The following ADAMTSL1 variants were observed in gnomAD, a reference collection of about 807,000 sequenced individuals.
The protein encoded by ADAMTSL1 is ADAMTS-like protein 1.
A neutral mutation model predicts 201.8 loss-of-function variants in ADAMTSL1; 126 were observed. The observed-to-expected ratio is 0.62, with a 90% CI of 0.54 to 0.72. The LOEUF (loss-of-function observed/expected upper bound fraction) is 0.72, where lower values mean the gene tolerates loss of function less well. ADAMTSL1 is among the 30% of genes least tolerant of loss of function. The pLI is 0.00. For missense variants in ADAMTSL1, 2,679 were observed against 2,277.8 expected (o/e 1.18, Z -3.59); for synonymous variants, 1,121 against 903.4 (o/e 1.24, Z -4.32).
At chr9:18,816,125 C>T (rs911269505) in intron 20 of ADAMTSL1, among the ~76,000 whole-genome samples, 1 of 152,218 alleles carries the variant, frequency 6.6e-6, no homozygotes, top group African/African-American at 2.4e-5. Flanking sequence ...TGACCAATCT[C>T]TCGCTATCTT....
chr9:18,542,738 A>G (rs1820225918), intron 3 of ADAMTSL1, among the ~76,000 whole-genome samples: 1 of 152,210 alleles, frequency 6.6e-6, no homozygotes, highest in African/African-American at 2.4e-5. Context: ...TTCTTATGGC[A>G]ACCCTAGTCA....
At chr9:18,303,029 AC>A (rs1170696772) in intron 2 of ADAMTSL1, among the ~76,000 whole-genome samples, 1 of 152,198 alleles carries the variant, frequency 6.6e-6, no homozygotes, top group African/African-American at 2.4e-5. Flanking sequence ...AGAGAAACTC[AC>A]GCTTTTTTCT....
chr9:18,802,799 GAC>G (rs1822882755), intron 20 of ADAMTSL1, among the ~76,000 whole-genome samples: 1 of 152,188 alleles, frequency 6.6e-6, no homozygotes, highest in Admixed American at 6.5e-5. Flanking sequence ...GTTTCAAAGA[GAC>G]TGCACCACTT....
intron 2 of ADAMTSL1, among the ~76,000 whole-genome samples, chr9:18,302,309 T>C (rs1036370730): frequency 1.3e-5 from 2 of 152,204 alleles, no homozygotes; most frequent in Non-Finnish European, 2.9e-5. Context: ...GGATACTCTC[T>C]GTCCAGCCCC....
rs543038705 is a variant in ADAMTSL1 at position 17,944,310 on chromosome 9, A to G, written c.87+37388A>G. Among the ~76,000 whole-genome samples the G allele has an allele frequency of 5.0e-4, 76 of 152,282 alleles. 2 individuals carry two copies. The South Asian group carries it at 0.015, about 31-fold the overall frequency. ...CTACAAACCACTGCTCAATGAAATA[A>G]AAGAAGATACAAACAAATGGAAGAA... On this transcript the variant is annotated intron_variant, in intron 1 of 29. Transcript: ENST00000680146.
At chr9:18,369,653 T>C (rs1398270502) in intron 2 of ADAMTSL1, among the ~76,000 whole-genome samples, 1 of 152,190 alleles carries the variant, frequency 6.6e-6, no homozygotes, top group African/African-American at 2.4e-5. Context: ...AAAGAAATTA[T>C]TGTATCAAAA....
intron 2 of ADAMTSL1, among the ~76,000 whole-genome samples, chr9:18,178,706 T>G (rs1828298767): frequency 6.6e-6 from 1 of 151,812 alleles, no homozygotes; most frequent in Non-Finnish European, 1.5e-5. Flanking sequence ...CCTCCTCAAG[T>G]GGGTCCCTGA....
intron 1 of ADAMTSL1, among the ~76,000 whole-genome samples, chr9:17,986,504 T>C (rs918408900): frequency 6.6e-6 from 1 of 152,110 alleles, no homozygotes; most frequent in Non-Finnish European, 1.5e-5. Flanking sequence ...TGATCTGTAA[T>C]CCTCTGTCAT....
At chr9:18,749,980 G>A (rs1588040232) in intron 15 of ADAMTSL1, among the ~76,000 whole-genome samples, 1 of 152,192 alleles carries the variant, frequency 6.6e-6, no homozygotes, top group Non-Finnish European at 1.5e-5. Context: ...TTGGGGAAGT[G>A]AGGATGTAAA....
At chr9:18,580,525 T>A (rs1039521419) in intron 4 of ADAMTSL1, among the ~76,000 whole-genome samples, 2 of 152,328 alleles carry the variant, frequency 1.3e-5, no homozygotes, top group South Asian at 4.1e-4. Flanking sequence ...GCATAGTCTT[T>A]CTTATTCTGC....
At chr9:18,820,044 G>C (rs919523824) in intron 21 of ADAMTSL1, among the ~76,000 whole-genome samples, 17 of 152,232 alleles carry the variant, frequency 1.1e-4, no homozygotes, top group African/African-American at 4.1e-4. Flanking sequence ...TGATTGGTTA[G>C]GTGGGATTCT....
intron 2 of ADAMTSL1, among the ~76,000 whole-genome samples, chr9:18,180,593 T>C (rs1211134270): frequency 2.0e-5 from 3 of 147,918 alleles, no homozygotes; most frequent in African/African-American, 7.5e-5. Context: ...GTGAAGGACC[T>C]CTTCAAGGAG....
chr9:18,512,445 A>G (rs1466812569), intron 2 of ADAMTSL1, among the ~76,000 whole-genome samples: 1 of 152,208 alleles, frequency 6.6e-6, no homozygotes, highest in Admixed American at 6.5e-5. Flanking sequence ...TTTATTAAAA[A>G]AAAAAATCCT....
intron 1 of ADAMTSL1, among the ~76,000 whole-genome samples, chr9:18,147,213 G>T (rs1437211245): frequency 6.6e-6 from 1 of 152,078 alleles, no homozygotes; most frequent in African/African-American, 2.4e-5. Context: ...TTGCTGATTT[G>T]TGAGGATTTG....
intron 19 of ADAMTSL1, among the ~76,000 whole-genome samples, chr9:18,782,893 G>C (rs1306160485): frequency 6.6e-6 from 1 of 152,212 alleles, no homozygotes; most frequent in Non-Finnish European, 1.5e-5. Flanking sequence ...GCTGTAGTAA[G>C]GGAGGCAAAA....
At chr9:18,834,868 C>G (rs773682604) in intron 23 of ADAMTSL1, among the ~76,000 whole-genome samples, 1 of 152,186 alleles carries the variant, frequency 6.6e-6, no homozygotes, top group South Asian at 2.1e-4. Flanking sequence ...AATCAGTCAC[C>G]TGTTCAGAGA....
At chr9:18,574,303 G>A (rs758540131) in intron 4 of ADAMTSL1, 37 bp downstream of exon 4, 18 of 1,542,214 alleles carry the variant, frequency 1.2e-5, no homozygotes, top group Non-Finnish European at 1.6e-5. Flanking sequence ...CTTGTCCAGA[G>A]GGTTTCAATG....
At chr9:18,823,154 A>G (rs1323689258) in intron 21 of ADAMTSL1, among the ~76,000 whole-genome samples, 1 of 152,192 alleles carries the variant, frequency 6.6e-6, no homozygotes, top group Non-Finnish European at 1.5e-5. Flanking sequence ...CAATACCTAC[A>G]TCGGCAAACT....
At chr9:18,147,943 C>T (rs967718913) in intron 1 of ADAMTSL1, among the ~76,000 whole-genome samples, 1 of 152,006 alleles carries the variant, frequency 6.6e-6, no homozygotes, top group African/African-American at 2.4e-5. Flanking sequence ...AAGTTTTTAC[C>T]TGCCATTATC....
Sources: allele counts gnomAD v4.1 joint callset (sites outside exome capture counted in the v4.1 genomes callset), GRCh38; gene constraint gnomAD v4.1.1; transcripts MANE v1.5; gene names NCBI Gene and HGNC (gene_info 2026-07-23, HGNC 2026-07-21).